TRPA1: variants seen among roughly 807,000 people sequenced by gnomAD.
TRPA1 encodes transient receptor potential cation channel subfamily A member 1.
In TRPA1, 129 loss-of-function variants were observed where a neutral mutation model predicts 131.3. The observed-to-expected ratio is 0.98, with a 90% confidence interval of 0.85 to 1.14. The LOEUF is 1.14. TRPA1 is among the 50% of genes most tolerant of loss of function. The probability of loss-of-function intolerance (pLI) is 0.00; values close to 1 mark genes in which losing one functional copy is unlikely to be tolerated. For missense variants in TRPA1, 1,304 were observed against 1,354.2 expected (o/e 0.96, Z 0.58); for synonymous variants, 441 against 451.7 (o/e 0.98, Z 0.30).
chr8:72,035,375 C>T (rs1221235368), intron 21 of TRPA1, among the ~76,000 whole-genome samples: 1 of 152,152 alleles, frequency 6.6e-6, no homozygotes, highest in East Asian at 1.9e-4. Context: ...AGGGGCGGCA[C>T]TCAACTCTAT....
At chr8:72,069,335 A>G in intron 2 of TRPA1, 137 bp from the exon 3 acceptor site, 1 of 841,754 alleles carries the variant, frequency 1.2e-6, no homozygotes, top group Admixed American at 2.0e-5. Context: ...CTAAAAACAC[A>G]GCTTCAGTTC....
Position 72,022,685 on chromosome 8 carries a change from C to T in TRPA1, c.*221G>A. On this transcript the variant is annotated 3_prime_UTR_variant, in exon 27 of 27. Transcript: ENST00000262209. ...GATTATATCTCATCAAAGTCCAGTC[C>T]AATTTGAACATATCTGCAAAGATAT... 1 of 600,946 alleles carries T rather than the reference C, an allele frequency of 1.7e-6. No individual in the cohort carries two copies. Among genetic ancestry groups the T allele is most frequent in the Non-Finnish European group, 3.0e-6 (1 of 336,206 alleles). The allele number at this position is 600,946 out of a possible 1,614,324, so 37.2% of individuals were successfully genotyped here.
At chr8:72,034,671 T>C (rs960417118) in intron 21 of TRPA1, among the ~76,000 whole-genome samples, 1 of 152,202 alleles carries the variant, frequency 6.6e-6, no homozygotes, top group Non-Finnish European at 1.5e-5. Context: ...CATTGCTCAC[T>C]GCAGCCTTGA....
At chr8:72,056,144 CA>C in intron 10 of TRPA1, 1 of 443,928 alleles carries the variant, frequency 2.3e-6, no homozygotes, top group Non-Finnish European at 4.1e-6. Flanking sequence ...CAGCATTTTT[CA>C]AATATATTTG....
chr8:72,056,730 G>T (rs1416451952), intron 10 of TRPA1, among the ~76,000 whole-genome samples, 187 bp downstream of exon 10: 1 of 152,016 alleles, frequency 6.6e-6, no homozygotes, highest in Admixed American at 6.6e-5. Flanking sequence ...AATTATCATT[G>T]TCATAATCAT....
intron 13 of TRPA1, 67 bp from the exon 14 acceptor site, chr8:72,052,832 A>T: frequency 1.9e-6 from 3 of 1,584,436 alleles, no homozygotes; most frequent in Non-Finnish European, 2.6e-6. Flanking sequence ...TCACTGCTTA[A>T]CTGCTTAAAA....
rs374548163 is a variant in TRPA1, at chr8:72,050,586, A to G, written c.1905+192T>C. 7.9e-5 allele frequency among the ~76,000 whole-genome samples: 12 copies of G among 152,248 alleles called. No individual in the cohort carries two copies. The East Asian group carries it at 1.9e-3, about 25-fold the overall frequency. Reference sequence around the variant, plus strand: ...AAAATATTTTACCATATTATTCTCTATTACATATAATAACTAATAGGATTC... The same window carrying G: ...AAAATATTTTACCATATTATTCTCTGTTACATATAATAACTAATAGGATTC... On this transcript the variant is annotated intron_variant, in intron 15 of 26. Coordinates refer to ENST00000262209, the MANE Select transcript of TRPA1 (RefSeq NM_007332.3).
intron 17 of TRPA1, among the ~76,000 whole-genome samples, chr8:72,041,777 A>G (rs1233328493): frequency 1.3e-5 from 2 of 151,860 alleles, no homozygotes; most frequent in Non-Finnish European, 2.9e-5. Flanking sequence ...TTTTAAATCC[A>G]TAATTTAACT....
chr8:72,080,000 C>G (rs1343388778), upstream of TRPA1, among the ~76,000 whole-genome samples: 1 of 151,910 alleles, frequency 6.6e-6, no homozygotes, highest in Non-Finnish European at 1.5e-5. Context: ...TCCAAGTGAT[C>G]TTGTTTTCTA....
At chr8:72,050,993 T>C in intron 14 of TRPA1, 122 bp from the exon 15 acceptor site, 1 of 722,842 alleles carries the variant, frequency 1.4e-6, no homozygotes, top group Non-Finnish European at 2.4e-6. Flanking sequence ...TGAAATGCAA[T>C]GCTCACCCTT....
In TRPA1 at chr8:72,056,967, T is replaced by C. The variant is rs1017164310; in HGVS notation, c.1144A>G (p.Thr382Ala). Reference protein sequence around the residue: ...DNFGRNFLHLTVQQPYGLKNL... With the variant: ...DNFGRNFLHLAVQQPYGLKNL... The stretch of plus-strand genomic sequence containing the variant: ...TTTAATCCATAAGGTTGCTGTACAG[T>C]TAAATGCAGAAAATTACGTCCAAAA... Residue 382 changes from threonine to alanine, a missense_variant, in exon 10 of 27, where the codon ACT becomes GCT. Transcript: ENST00000262209. 1 of 1,609,764 alleles carries C rather than the reference T, an allele frequency of 6.2e-7. No individual in the cohort carries two copies. Among genetic ancestry groups the C allele is most frequent in the Admixed American group, 1.7e-5 (1 of 59,862 alleles).
At chr8:72,056,752 CCAT>C (rs1805676299) in intron 10 of TRPA1, among the ~76,000 whole-genome samples, 162 bp downstream of exon 10, 1 of 152,098 alleles carries the variant, frequency 6.6e-6, no homozygotes, top group Non-Finnish European at 1.5e-5. Flanking sequence ...ACCACCACCA[CCAT>C]CACCATGTTG....
upstream of TRPA1, among the ~76,000 whole-genome samples, chr8:72,077,123 T>G (rs1000185643): frequency 7.9e-5 from 12 of 152,212 alleles, no homozygotes; most frequent in Admixed American, 3.9e-4. Context: ...TTGATTATTT[T>G]GATCGATTGC....
chr8:72,087,181 T>C, the TRPA1 span, among the ~76,000 whole-genome samples: 1 of 152,170 alleles, frequency 6.6e-6, no homozygotes, highest in African/African-American at 2.4e-5. Context: ...TTACTGGCTG[T>C]AATTGGGTTA....
intron 26 of TRPA1, 70 bp from the exon 27 acceptor site, chr8:72,023,186 C>T: frequency 1.1e-5 from 6 of 524,208 alleles, no homozygotes; most frequent in Non-Finnish European, 1.5e-5. Flanking sequence ...TGTAGGAAGG[C>T]ATAGGTTTTA....
chr8:72,060,940 G>T (rs185728811), intron 7 of TRPA1, among the ~76,000 whole-genome samples: 240 of 151,046 alleles, frequency 1.6e-3, no homozygotes, highest in African/African-American at 5.5e-3. Context: ...CTCTGACTGT[G>T]TGTGCTTGTG....
chr8:72,022,664 A>G lies in TRPA1; in HGVS notation c.*242T>C, dbSNP rs963853924. On this transcript the variant is annotated 3_prime_UTR_variant, in exon 27 of 27. Transcript: ENST00000262209. The stretch of plus-strand genomic sequence containing the variant: ...TTCTACCCATTCAAATAATGAGATT[A>G]TATCTCATCAAAGTCCAGTCCAATT... The G allele has an allele frequency of 2.1e-5, 12 of 573,524 alleles. No homozygotes were observed. Among genetic ancestry groups the G allele is most frequent in the Non-Finnish European group, 3.4e-5 (11 of 319,760 alleles). 35.5% of individuals were successfully genotyped at this position (573,524 alleles called of 1,614,324 possible).
chr8:72,028,787 A>G (rs967641707), intron 24 of TRPA1, among the ~76,000 whole-genome samples: 58 of 152,370 alleles, frequency 3.8e-4, no homozygotes, highest in African/African-American at 1.3e-3. Flanking sequence ...TGTACATACT[A>G]TGTATTGAAA....
chr8:72,078,191 CA>C (rs1320847169), upstream of TRPA1, among the ~76,000 whole-genome samples: 6 of 151,512 alleles, frequency 4.0e-5, no homozygotes, highest in East Asian at 9.7e-4. Flanking sequence ...GTCACTAATC[CA>C]GATATGTTAT....
Sources: gnomAD v4.1 joint callset for allele counts (sites outside exome capture counted in the v4.1 genomes callset) on GRCh38, gnomAD v4.1.1 for gene constraint, MANE v1.5 for transcripts, NCBI Gene and HGNC (gene_info 2026-07-23, HGNC 2026-07-21) for gene names.